Variants in INO80D observed in about 807,000 individuals in gnomAD.
INO80D encodes the protein INO80 complex subunit D.
A neutral mutation model predicts 87.6 loss-of-function variants in INO80D; 21 were observed. The ratio of observed to expected loss-of-function variants is 0.24; its 90% CI spans 0.17 to 0.35. INO80D has a LOEUF of 0.35. Ranked by LOEUF, INO80D falls within the 10% of genes least tolerant of loss-of-function variation. The pLI is 1.00. For synonymous variants in INO80D, 440 were observed against 491.0 expected, an observed-to-expected ratio of 0.90 and a Z score of 1.37; for missense variants, 982 against 1,280.7, an observed-to-expected ratio of 0.77 and a Z score of 3.56.
rs1687844627 is a variant in INO80D at position 205,998,344 on chromosome 2, C to T, written c.*6024G>A. ...AAAGGTGTTCTACATTTTGAGGCCCCAGGATATCCTTTTATTTTATATATC... is the reference window on the plus strand; with the variant it reads ...AAAGGTGTTCTACATTTTGAGGCCCTAGGATATCCTTTTATTTTATATATC... On this transcript the variant is annotated 3_prime_UTR_variant, in exon 11 of 11. Transcript: ENST00000403263. 6.6e-6 allele frequency: 1 copy of T among 150,638 alleles called. No individual in the cohort carries two copies. Among genetic ancestry groups the T allele is most frequent in the African/African-American group, 2.4e-5 (1 of 40,946 alleles). 9.3% of individuals were successfully genotyped at this position (150,638 alleles called of 1,614,324 possible). A position where few individuals can be genotyped will look rare whatever the true frequency, so the allele number is the denominator to read the frequency against.
chr2:206,006,341 G>GT (rs1341501962), intron 10 of INO80D, among the ~76,000 whole-genome samples: 1 of 152,190 alleles, frequency 6.6e-6, no homozygotes, highest in African/African-American at 2.4e-5. Flanking sequence ...CACTTCAGTT[G>GT]AAGTACAGGG....
In INO80D at chr2:206,062,750, C is replaced by T; in HGVS notation, c.218+49G>A. On this transcript the variant is annotated intron_variant, in intron 3 of 10. Coordinates refer to ENST00000403263, the MANE Select transcript of INO80D (RefSeq NM_017759.5). This position sits in a 1 kb window ranked among gnomAD's most constrained non-coding sequence, Gnocchi z 4.6. ...AGAAAAAACAAGAAAAGAAAAAATT[C>T]CAAGCCTGTTAATGAAATCAAGGAT... 1 of 1,476,982 alleles carries T rather than the reference C, an allele frequency of 6.8e-7. No homozygotes were observed. The allele number at this position is 1,476,982 out of a possible 1,614,324, so 91.5% of individuals were successfully genotyped here. A position where few individuals can be genotyped will look rare whatever the true frequency, so the allele number is the denominator to read the frequency against.
rs746297819 is a variant in INO80D, at chr2:206,056,848, T to A, written c.314A>T (p.Gln105Leu). ...DPIDEVKVRH[Q>L]MDTMAFSLTV... ...CAGGCTAAAGGCCATGGTATCCATC[T>A]GGTGCCTGACCTTCACCTCATCTAT... The change falls in exon 4 of 11, where the codon CAG (glutamine) becomes CTG (leucine). Residue 105 changes from glutamine to leucine, a missense_variant. Gln to Leu is a moderately radical substitution (Grantham distance 113). Coordinates refer to ENST00000403263, the MANE Select transcript of INO80D (RefSeq NM_017759.5). The A allele has an allele frequency of 9.9e-6, 16 of 1,611,656 alleles. No individual in the cohort carries two copies. The highest frequency in any genetic ancestry group is 5.3e-5 in the African/African-American group (4 of 74,940).
At chr2:206,076,676 A>C (rs1690124991) in intron 1 of INO80D, among the ~76,000 whole-genome samples, 1 of 152,238 alleles carries the variant, frequency 6.6e-6, no homozygotes, top group Non-Finnish European at 1.5e-5. Flanking sequence ...GCACTGTACA[A>C]GTAAGTTTGC....
Position 206,004,728 on chromosome 2 carries a change from G to A in INO80D, c.2724C>T (p.Gly908=), listed in dbSNP as rs528046393. ...GDPSPFSNLL[G]ADGHLLSTSL... ...AAGTGGAAAGAAGATGTCCATCTGC[G>A]CCGAGAAGGTTGCTAAATGGAGAGG... The change falls in exon 11 of 11, where the codon GGC becomes GGT. Residue 908 remains glycine, a synonymous_variant. Coordinates refer to ENST00000403263, the MANE Select transcript of INO80D (RefSeq NM_017759.5). The surrounding 1 kb of genome is among the most constrained non-coding windows in gnomAD (Gnocchi z 4.9). 8.7e-6 allele frequency: 14 copies of A among 1,613,946 alleles called. No homozygotes were observed. The highest frequency in any genetic ancestry group is 7.7e-5 in the South Asian group (7 of 91,070).
intron 1 of INO80D, among the ~76,000 whole-genome samples, chr2:206,075,302 A>G (rs1338426387): frequency 6.6e-6 from 1 of 152,136 alleles, no homozygotes; most frequent in African/African-American, 2.4e-5. Context: ...TGGAATCTCT[A>G]TGTCACTGCT....
intron 5 of INO80D, among the ~76,000 whole-genome samples, chr2:206,043,962 C>A (rs1689127681): frequency 1.3e-5 from 2 of 152,142 alleles, no homozygotes; most frequent in African/African-American, 4.8e-5. Context: ...GAGGCTAAGG[C>A]AGGAAGATCC....
At chr2:206,060,287 C>T (rs1451724542) in intron 3 of INO80D, among the ~76,000 whole-genome samples, 1 of 152,080 alleles carries the variant, frequency 6.6e-6, no homozygotes, top group Non-Finnish European at 1.5e-5. Flanking sequence ...AATCCCAGCA[C>T]TTTGGGAGGC....
intron 8 of INO80D, among the ~76,000 whole-genome samples, chr2:206,013,239 T>C (rs1237886655): frequency 1.3e-5 from 2 of 152,248 alleles, no homozygotes; most frequent in African/African-American, 4.8e-5. Flanking sequence ...ATTCAATTTC[T>C]CTAAAAGCAT....
At chr2:206,072,021 C>A (rs549203149) in intron 1 of INO80D, among the ~76,000 whole-genome samples, 3 of 152,088 alleles carry the variant, frequency 2.0e-5, no homozygotes, top group Non-Finnish European at 4.4e-5. Flanking sequence ...GGTAGGACTG[C>A]ACAGTTTGCA....
chr2:206,013,127 T>G (rs1688222647), intron 8 of INO80D, among the ~76,000 whole-genome samples: 1 of 152,084 alleles, frequency 6.6e-6, no homozygotes, highest in Non-Finnish European at 1.5e-5. Context: ...AAAATATATA[T>G]TATTTTATGA....
intron 7 of INO80D, among the ~76,000 whole-genome samples, 165 bp downstream of exon 7, chr2:206,019,568 CAAG>C (rs1688405268): frequency 6.6e-6 from 1 of 151,978 alleles, no homozygotes; most frequent in Non-Finnish European, 1.5e-5. Context: ...TTGAGTAAAA[CAAG>C]AAAAATTATT....
intron 1 of INO80D, among the ~76,000 whole-genome samples, chr2:206,068,090 GTTTTAT>G (rs1689868045): frequency 6.6e-6 from 1 of 151,988 alleles, no homozygotes; most frequent in Admixed American, 6.6e-5. Context: ...ACTGTGTTGT[GTTTTAT>G]TTTTATTTAT....
intron 10 of INO80D, among the ~76,000 whole-genome samples, chr2:206,005,880 TATC>T (rs1688010226): frequency 6.6e-6 from 1 of 152,204 alleles, no homozygotes; most frequent in Admixed American, 6.5e-5. Context: ...AAAATAATAT[TATC>T]ATCATTAACA....
chr2:206,053,842 A>AT (rs199765299), intron 4 of INO80D, among the ~76,000 whole-genome samples: 49,056 of 146,942 alleles, frequency 0.33, 8,555 homozygotes, highest in South Asian at 0.58. Flanking sequence ...AAGATACAGA[A>AT]TTTTTTTTTT....
chr2:206,030,058 G>T (rs1021529255), intron 5 of INO80D, among the ~76,000 whole-genome samples: 1 of 151,934 alleles, frequency 6.6e-6, no homozygotes, highest in Non-Finnish European at 1.5e-5. Context: ...CTGACAGCAG[G>T]TCTACACTTG....
intron 5 of INO80D, chr2:206,040,285 CAA>C (rs35227213): frequency 1.9e-4 from 15 of 80,810 alleles, no homozygotes; most frequent in Non-Finnish European, 2.1e-4. Context: ...GACTCTGTCT[CAA>C]AAAAAAAAAA....
rs191845356 is a variant in INO80D at position 206,008,429 on chromosome 2, C to T, written c.1761-988G>A. 2.9e-3 allele frequency among the ~76,000 whole-genome samples: 440 copies of T among 151,584 alleles called. 1 individual carries two copies. The highest frequency in any genetic ancestry group is 9.6e-3 in the African/African-American group (398 of 41,300). Reference sequence around the variant, plus strand: ...CTGAGTAGCTGGGATTACAGGTGCTCGCCACCACACCCGGCTAATTTTTGT... The same window carrying T: ...CTGAGTAGCTGGGATTACAGGTGCTTGCCACCACACCCGGCTAATTTTTGT... On this transcript the variant is annotated intron_variant, in intron 9 of 10. Transcript: ENST00000403263.
chr2:206,078,061 CAAAAAAAAAAAAAA>C lies in INO80D; in HGVS notation c.-124+7826_-124+7839del, dbSNP rs71410859. Among the ~76,000 whole-genome samples the C allele has an allele frequency of 7.9e-5, 5 of 63,058 alleles. No individual in the cohort carries two copies. In the South Asian group the frequency reaches 2.7e-3, roughly 34 times the overall value. 41.4% of individuals were successfully genotyped at this position (63,058 alleles called of 152,430 possible). A position where few individuals can be genotyped will look rare whatever the true frequency, so the allele number is the denominator to read the frequency against. ...TTCCAGCAAGTTGTTGCAATGTTTA[CAAAAAAAAAAAAAA>C]AAAAAAAAAAAAAGGTTGACCCAGA... On this transcript the variant is annotated intron_variant, in intron 1 of 10. Transcript: ENST00000403263.
Sources: allele counts gnomAD v4.1 joint callset (sites outside exome capture counted in the v4.1 genomes callset), GRCh38; gene constraint gnomAD v4.1.1; non-coding constraint Gnocchi (gnomAD v3.1); transcripts MANE v1.5; gene names NCBI Gene and HGNC (gene_info 2026-07-23, HGNC 2026-07-21).